The following NEBL variants were observed in gnomAD, a reference collection of about 807,000 sequenced individuals.
NEBL encodes LIM and SH3 protein 2.
Under a neutral mutation model 140.2 loss-of-function variants are expected in NEBL, and 122 were observed. The observed-to-expected ratio is 0.87, with a 90% CI of 0.75 to 1.01. NEBL has a LOEUF of 1.01. Among genes scored for constraint, NEBL ranks in the 50% least tolerant of loss-of-function variants. NEBL has a pLI of 0.00. For synonymous variants in NEBL, 436 were observed against 398.9 expected (o/e 1.09, Z -1.11); for missense variants, 1,365 against 1,231.3 (o/e 1.11, Z -1.62).
intron 3 of NEBL, among the ~76,000 whole-genome samples, chr10:21,185,559 A>G (rs571168630): frequency 3.2e-5 from 4 of 125,656 alleles, no homozygotes; most frequent in South Asian, 5.1e-4. Flanking sequence ...GTGCAGTGGC[A>G]TGATCTCAGC....
intron 4 of NEBL, among the ~76,000 whole-genome samples, chr10:20,956,490 T>C (rs934024459): frequency 6.6e-6 from 1 of 152,182 alleles, no homozygotes; most frequent in Admixed American, 6.5e-5. Flanking sequence ...AAGCAACATA[T>C]AGATTCACTC....
At chr10:20,879,275 G>T (rs1845797251) in intron 5 of NEBL, among the ~76,000 whole-genome samples, 1 of 152,150 alleles carries the variant, frequency 6.6e-6, no homozygotes, top group African/African-American at 2.4e-5. Flanking sequence ...TCAGTACAGG[G>T]TTTTCATGAG....
intron 2 of NEBL, among the ~76,000 whole-genome samples, chr10:21,120,018 G>T (rs1181744523): frequency 6.6e-6 from 1 of 152,010 alleles, no homozygotes; most frequent in East Asian, 1.9e-4. Flanking sequence ...TAAGTGATGG[G>T]CAGAGAATAA....
intron 11 of NEBL, among the ~76,000 whole-genome samples, chr10:20,845,805 T>C (rs922066148): frequency 1.1e-4 from 16 of 152,182 alleles, no homozygotes; most frequent in African/African-American, 3.9e-4. Flanking sequence ...CCCATCATCC[T>C]TCTTCATCAG....
intron 14 of NEBL, among the ~76,000 whole-genome samples, chr10:20,833,073 A>G (rs1416096821): frequency 3.9e-5 from 6 of 152,194 alleles, no homozygotes; most frequent in Non-Finnish European, 8.8e-5. Flanking sequence ...ATGAACTTTC[A>G]AATGTAAATG....
intron 3 of NEBL, among the ~76,000 whole-genome samples, chr10:21,242,957 G>A (rs934304956): frequency 2.0e-5 from 3 of 152,116 alleles, no homozygotes; most frequent in Non-Finnish European, 2.9e-5. Context: ...GGGAAATCAG[G>A]CAGTCTCCTT....
chr10:20,951,991 C>T (rs1365412099), intron 4 of NEBL, among the ~76,000 whole-genome samples: 1 of 152,158 alleles, frequency 6.6e-6, no homozygotes, highest in African/African-American at 2.4e-5. Flanking sequence ...CCAGGCTAAA[C>T]TGCTAGCACG....
chr10:20,992,064 C>A (rs575785450), intron 3 of NEBL, among the ~76,000 whole-genome samples: 7 of 152,202 alleles, frequency 4.6e-5, no homozygotes, highest in African/African-American at 1.7e-4. Flanking sequence ...GGGAATGGTG[C>A]TGTGATAAAC....
At chr10:21,089,161 TTGAG>T (rs138174414) in intron 2 of NEBL, among the ~76,000 whole-genome samples, 1,729 of 152,264 alleles carry the variant, frequency 0.011, 25 homozygotes, top group African/African-American at 0.04. Flanking sequence ...AGTTTTCTGC[TTGAG>T]CGGAGTCTAG....
intron 2 of NEBL, among the ~76,000 whole-genome samples, chr10:21,067,902 G>A (rs969328496): frequency 3.9e-5 from 6 of 152,012 alleles, no homozygotes; most frequent in Non-Finnish European, 5.9e-5. Flanking sequence ...TCACTTGAGC[G>A]CAGGAGGTCA....
chr10:20,813,733 G>A (rs1588666851), intron 23 of NEBL: 2 of 566,188 alleles, frequency 3.5e-6, no homozygotes, highest in Non-Finnish European at 6.4e-6. Flanking sequence ...AGACACACCA[G>A]AAAAAGTCAC....
chr10:20,975,620 A>C (rs1449007853), intron 3 of NEBL, among the ~76,000 whole-genome samples: 6 of 152,208 alleles, frequency 3.9e-5, no homozygotes, highest in Admixed American at 3.9e-4. Context: ...AGTATAACGA[A>C]ACCCACGTCA....
chr10:20,923,821 C>T (rs1341630444), intron 4 of NEBL, among the ~76,000 whole-genome samples: 1 of 151,978 alleles, frequency 6.6e-6, no homozygotes, highest in Non-Finnish European at 1.5e-5. Flanking sequence ...TCTCTATCAA[C>T]ACAAGGCAGA....
intron 2 of NEBL, among the ~76,000 whole-genome samples, chr10:21,040,904 T>C (rs1834241440): frequency 6.6e-6 from 1 of 152,122 alleles, no homozygotes; most frequent in South Asian, 2.1e-4. Context: ...AACATGTCCC[T>C]GCCTCCTCTT....
At chr10:20,798,164 T>G (rs1455809716) in intron 26 of NEBL, among the ~76,000 whole-genome samples, 3 of 149,208 alleles carry the variant, frequency 2.0e-5, no homozygotes, top group Non-Finnish European at 1.5e-5. Flanking sequence ...GGGGGAAAGA[T>G]CAGGCAGTAA....
At chr10:20,917,816 C>T (rs908870063) in intron 4 of NEBL, among the ~76,000 whole-genome samples, 1 of 152,058 alleles carries the variant, frequency 6.6e-6, no homozygotes, top group Non-Finnish European at 1.5e-5. Context: ...CTTTGAGAAG[C>T]CAAGATTCTA....
chr10:21,115,342 T>C (rs1257138093), intron 2 of NEBL, among the ~76,000 whole-genome samples: 2 of 152,128 alleles, frequency 1.3e-5, no homozygotes, highest in Non-Finnish European at 2.9e-5. Context: ...CCTTTTCTAG[T>C]GCTTTTTATT....
intron 2 of NEBL, among the ~76,000 whole-genome samples, chr10:21,028,451 C>A (rs1833632728): frequency 6.6e-6 from 1 of 151,964 alleles, no homozygotes; most frequent in Non-Finnish European, 1.5e-5. Flanking sequence ...TGTAAATGTG[C>A]ACACACGCAT....
chr10:20,999,199 T>C (rs912128025), intron 3 of NEBL, among the ~76,000 whole-genome samples: 6 of 150,462 alleles, frequency 4.0e-5, no homozygotes, highest in Admixed American at 3.3e-4. Context: ...AAGAAAGGCG[T>C]ACTCTCTGAG....
Sources: gnomAD v4.1 joint callset for allele counts (sites outside exome capture counted in the v4.1 genomes callset) on GRCh38, gnomAD v4.1.1 for gene constraint, MANE v1.5 for transcripts, NCBI Gene and HGNC (gene_info 2026-07-23, HGNC 2026-07-21) for gene names.